The following CMSS1 variants were observed in gnomAD, a reference collection of about 807,000 sequenced individuals.
The protein encoded by CMSS1 is protein CMSS1.
In CMSS1, 33 loss-of-function variants were observed where a neutral mutation model predicts 43.5. That is an observed-to-expected ratio of 0.76 (90% CI 0.57 to 1.01). CMSS1 has a LOEUF of 1.01. Ranked by LOEUF, CMSS1 falls within the 50% of genes least tolerant of loss-of-function variation. The pLI is 0.00. For missense variants in CMSS1, 313 were observed against 326.4 expected, an observed-to-expected ratio of 0.96 and a Z score of 0.32; for synonymous variants, 115 against 117.2, an observed-to-expected ratio of 0.98 and a Z score of 0.12.
chr3:99,842,137 G>A (rs995040949), intron 1 of CMSS1, among the ~76,000 whole-genome samples: 6 of 152,136 alleles, frequency 3.9e-5, no homozygotes, highest in African/African-American at 1.4e-4. Context: ...TATACACCAT[G>A]GAATACTACT....
At chr3:100,124,038 T>C (rs2066642588) in intron 1 of CMSS1, among the ~76,000 whole-genome samples, 1 of 152,240 alleles carries the variant, frequency 6.6e-6, no homozygotes, top group Non-Finnish European at 1.5e-5. Context: ...GTGGTTACCA[T>C]GGCTCTTAAA....
intron 1 of CMSS1, among the ~76,000 whole-genome samples, chr3:99,839,619 A>G (rs1301504213): frequency 1.3e-5 from 2 of 152,200 alleles, no homozygotes; most frequent in African/African-American, 2.4e-5. Flanking sequence ...CCAAGGGCAC[A>G]TGAAAAATGG....
intron 1 of CMSS1, among the ~76,000 whole-genome samples, chr3:99,857,635 T>G (rs778804189): frequency 6.6e-6 from 1 of 152,240 alleles, no homozygotes; most frequent in Non-Finnish European, 1.5e-5. Context: ...CAGATTGTTT[T>G]GCAGTTTTTC....
intron 1 of CMSS1, among the ~76,000 whole-genome samples, chr3:100,014,758 G>T (rs936123333): frequency 6.8e-6 from 1 of 146,188 alleles, no homozygotes; most frequent in Non-Finnish European, 1.5e-5. Flanking sequence ...CAGATGATTG[G>T]TTCACAAATG....
chr3:100,097,894 A>G (rs1224881829), intron 1 of CMSS1, among the ~76,000 whole-genome samples: 1 of 152,130 alleles, frequency 6.6e-6, no homozygotes, highest in Non-Finnish European at 1.5e-5. Context: ...GCTTTGTGTT[A>G]TATTTTTACT....
At chr3:100,035,102 C>T (rs939595929) in intron 1 of CMSS1, among the ~76,000 whole-genome samples, 9 of 152,112 alleles carry the variant, frequency 5.9e-5, no homozygotes, top group Admixed American at 2.0e-4. Flanking sequence ...AATGTATATT[C>T]GAAATTGTTA....
At chr3:99,957,707 T>C (rs1408741303) in intron 1 of CMSS1, among the ~76,000 whole-genome samples, 1 of 126,148 alleles carries the variant, frequency 7.9e-6, no homozygotes, top group Non-Finnish European at 1.6e-5. Flanking sequence ...TTTTTTTTTT[T>C]TTTTTTTTTT....
In CMSS1 at chr3:100,149,800, A is replaced by T. The variant is rs578087379; in HGVS notation, c.153+2739A>T. Reference sequence around the variant, plus strand: ...GCACTCATTATTTGTGAAATGAAGGAATGAATGACCATACCGGTATCCCAG... The same window carrying T: ...GCACTCATTATTTGTGAAATGAAGGTATGAATGACCATACCGGTATCCCAG... On this transcript the variant is annotated intron_variant, in intron 2 of 9. Coordinates refer to ENST00000421999, the MANE Select transcript of CMSS1 (RefSeq NM_032359.4). 1.2e-3 allele frequency among the ~76,000 whole-genome samples: 176 copies of T among 152,254 alleles called. 1 individual carries two copies. Among genetic ancestry groups the T allele is most frequent in the African/African-American group, 4.0e-3 (165 of 41,560 alleles).
intron 1 of CMSS1, among the ~76,000 whole-genome samples, chr3:99,876,867 G>A (rs16841785): frequency 0.076 from 11,497 of 152,008 alleles, 542 homozygotes; most frequent in Admixed American, 0.11. Flanking sequence ...TTTTGGCAGG[G>A]AAAAAATTTT....
At chr3:100,045,001 G>C (rs1344339282) in intron 1 of CMSS1, among the ~76,000 whole-genome samples, 1 of 152,206 alleles carries the variant, frequency 6.6e-6, no homozygotes, top group African/African-American at 2.4e-5. Flanking sequence ...CCTGGGCGTA[G>C]AGAGGACTAG....
At chr3:99,990,358 C>T (rs1050903167) in intron 1 of CMSS1, among the ~76,000 whole-genome samples, 4 of 152,114 alleles carry the variant, frequency 2.6e-5, no homozygotes, top group African/African-American at 7.2e-5. Context: ...AATATTGATC[C>T]GTTCAATCTC....
chr3:99,902,757 C>T (rs903801800), intron 1 of CMSS1, among the ~76,000 whole-genome samples: 25 of 152,080 alleles, frequency 1.6e-4, no homozygotes, highest in African/African-American at 6.0e-4. Context: ...TTCTACTATT[C>T]TAGTTGCCTG....
chr3:99,830,386 A>T, intron 1 of CMSS1: 2 of 386,560 alleles, frequency 5.2e-6, no homozygotes, highest in Non-Finnish European at 1.0e-5. Context: ...CTGTAGATGA[A>T]TGTATCCAGG....
intron 1 of CMSS1, among the ~76,000 whole-genome samples, chr3:99,942,508 G>A (rs941936608): frequency 6.6e-6 from 1 of 152,270 alleles, no homozygotes; most frequent in Admixed American, 6.5e-5. Context: ...GAAAGCACTA[G>A]GCACATATTG....
chr3:99,961,242 A>G (rs4075038), intron 1 of CMSS1, among the ~76,000 whole-genome samples: 123,895 of 152,172 alleles, frequency 0.81, 50,766 homozygotes, highest in African/African-American at 0.91. Flanking sequence ...TGCCTCTTGC[A>G]GGTGTTATCC....
chr3:100,044,180 C>T (rs78217579), intron 1 of CMSS1, among the ~76,000 whole-genome samples: 106 of 152,310 alleles, frequency 7.0e-4, no homozygotes, highest in Admixed American at 1.6e-3. Context: ...TTACTTGCCT[C>T]GTTTATTCAT....
chr3:99,957,629 T>A (rs1708360073), intron 1 of CMSS1, among the ~76,000 whole-genome samples: 1 of 149,414 alleles, frequency 6.7e-6, no homozygotes, highest in Admixed American at 6.7e-5. Context: ...AGTTCAGCCG[T>A]CAGACTGGAA....
chr3:99,956,915 C>T (rs1708336593), intron 1 of CMSS1, among the ~76,000 whole-genome samples: 1 of 152,164 alleles, frequency 6.6e-6, no homozygotes, highest in Non-Finnish European at 1.5e-5. Flanking sequence ...TCTGCCCTCA[C>T]CAATGGCTTC....
intron 1 of CMSS1, among the ~76,000 whole-genome samples, chr3:99,857,962 C>T (rs147724120): frequency 6.6e-6 from 1 of 152,168 alleles, no homozygotes; most frequent in Non-Finnish European, 1.5e-5. Context: ...ATAGAGGATC[C>T]TATTCTCAAA....
Sources: allele counts gnomAD v4.1 joint callset (sites outside exome capture counted in the v4.1 genomes callset), GRCh38; gene constraint gnomAD v4.1.1; transcripts MANE v1.5; gene names NCBI Gene and HGNC (gene_info 2026-07-23, HGNC 2026-07-21).